Variants in PHEX observed in about 807,000 individuals in gnomAD.
PHEX encodes the protein phosphate regulating endopeptidase X-linked.
A neutral mutation model predicts 68.0 loss-of-function variants in PHEX; 16 were observed. The ratio of observed to expected loss-of-function variants is 0.24; its 90% CI spans 0.16 to 0.36. PHEX has a LOEUF of 0.36. Among genes scored for constraint, PHEX ranks in the 10% least tolerant of loss-of-function variants. The pLI is 1.00. For missense variants in PHEX, 480 were observed against 575.5 expected (o/e 0.83, Z 1.70); for synonymous variants, 208 against 205.1 (o/e 1.01, Z -0.12).
chrX:22,142,891 A>G (rs1171169564), intron 12 of PHEX, among the ~76,000 whole-genome samples: 1 of 112,579 alleles, frequency 8.9e-6, no homozygotes, highest in African/African-American at 3.2e-5. Flanking sequence ...ACCTGAGGAA[A>G]TGAACAAAGC....
chrX:22,061,978 T>C (rs903751011), intron 3 of PHEX, among the ~76,000 whole-genome samples: 2 of 111,354 alleles, frequency 1.8e-5, no homozygotes, highest in Admixed American at 1.9e-4. Flanking sequence ...AGGAGGCATG[T>C]CTTACATGGC....
chrX:22,072,666 T>A (rs1194207205), intron 3 of PHEX, among the ~76,000 whole-genome samples: 2 of 112,291 alleles, frequency 1.8e-5, no homozygotes, highest in Non-Finnish European at 3.8e-5. Context: ...AAAAGGTAGA[T>A]TGCTCTATAA....
chrX:22,226,407 ATTCATT>A, intron 18 of PHEX, 30 bp from the exon 19 acceptor site: 1 of 995,385 alleles, frequency 1.0e-6, no homozygotes, highest in Non-Finnish European at 1.4e-6. Flanking sequence ...TGAAACACGC[ATTCATT>A]TTTTTTTTTT....
chrX:22,147,126 T>C (rs1205253339), intron 12 of PHEX, among the ~76,000 whole-genome samples: 1 of 111,756 alleles, frequency 8.9e-6, no homozygotes, highest in Non-Finnish European at 1.9e-5. Context: ...GTGGTGGTGA[T>C]TTAATGCCTG....
At chrX:22,126,386 G>C (rs780877252) in intron 11 of PHEX, among the ~76,000 whole-genome samples, 18 of 112,021 alleles carry the variant, frequency 1.6e-4, no homozygotes, top group African/African-American at 5.8e-4. Context: ...TAGGATTTGA[G>C]TTGCCTTGTG....
chrX:22,117,036 T>C (rs746520844), intron 11 of PHEX, among the ~76,000 whole-genome samples: 1 of 112,094 alleles, frequency 8.9e-6, no homozygotes, highest in East Asian at 2.8e-4. Context: ...CCTAGACCCA[T>C]TTAGATTAAG....
chrX:22,085,084 G>A (rs1321475170), intron 5 of PHEX, among the ~76,000 whole-genome samples: 1 of 111,047 alleles, frequency 9.0e-6, no homozygotes, highest in African/African-American at 3.3e-5. Context: ...GATTGTTTAT[G>A]AATTGTTATT....
At chrX:22,053,053 G>T (rs1185660579) in intron 3 of PHEX, among the ~76,000 whole-genome samples, 1 of 112,107 alleles carries the variant, frequency 8.9e-6, no homozygotes, top group East Asian at 2.8e-4. Flanking sequence ...ACCCAGTCCA[G>T]TTCCTGGCAC....
chrX:22,036,473 C>T (rs1429126250), intron 1 of PHEX, among the ~76,000 whole-genome samples: 6 of 111,708 alleles, frequency 5.4e-5, no homozygotes, highest in East Asian at 2.8e-4. Context: ...AGGAATAAGT[C>T]TTTAACGATT....
At chrX:22,091,123 A>G (rs1476492327) in intron 6 of PHEX, among the ~76,000 whole-genome samples, 1 of 111,873 alleles carries the variant, frequency 8.9e-6, no homozygotes, top group Non-Finnish European at 1.9e-5. Context: ...TGGAAACTTT[A>G]TTGAACTTCC....
At chrX:22,123,673 C>T (rs1403143179) in intron 11 of PHEX, among the ~76,000 whole-genome samples, 1 of 110,621 alleles carries the variant, frequency 9.0e-6, no homozygotes, top group Non-Finnish European at 1.9e-5. Context: ...CCATACATGC[C>T]TAGTATAGTA....
At chrX:22,230,302 GA>G (rs1293145058) in intron 20 of PHEX, among the ~76,000 whole-genome samples, 1 of 78,406 alleles carries the variant, frequency 1.3e-5, no homozygotes, top group Non-Finnish European at 2.3e-5. Flanking sequence ...TCCATTCTGT[GA>G]AGAAAGAAAG....
At chrX:22,185,498 A>T (rs1403634736) in intron 14 of PHEX, among the ~76,000 whole-genome samples, 1 of 111,670 alleles carries the variant, frequency 9.0e-6, no homozygotes, top group African/African-American at 3.3e-5. Flanking sequence ...GAAAACTAGT[A>T]ATTACACACA....
At chrX:22,056,886 C>T (rs1928138611) in intron 3 of PHEX, among the ~76,000 whole-genome samples, 1 of 109,927 alleles carries the variant, frequency 9.1e-6, no homozygotes, top group South Asian at 3.9e-4. Flanking sequence ...TACTCTAGAA[C>T]TGTCCTGCTC....
At chrX:22,172,798 T>A (rs16981815) in intron 13 of PHEX, 36,749 of 110,582 alleles carry the variant, frequency 0.33, 4,519 homozygotes, top group African/African-American at 0.38. Context: ...TAACTGGCAC[T>A]ATTAAGGACG....
intron 20 of PHEX, among the ~76,000 whole-genome samples, chrX:22,228,389 C>A (rs746684043): frequency 5.4e-5 from 6 of 112,005 alleles, no homozygotes; most frequent in African/African-American, 1.9e-4. Context: ...ACCTTTTGTT[C>A]CTAAGTCTGT....
chrX:22,241,615 C>G (rs898009837), intron 20 of PHEX, among the ~76,000 whole-genome samples: 23 of 111,986 alleles, frequency 2.1e-4, no homozygotes, highest in Non-Finnish European at 4.3e-4. Flanking sequence ...CACAGAAATA[C>G]AGTCTACCAT....
chrX:22,114,352 A>G, intron 10 of PHEX, 106 bp from the exon 11 acceptor site: 1 of 713,007 alleles, frequency 1.4e-6, no homozygotes, highest in African/African-American at 2.1e-5. Flanking sequence ...TATATGGGTT[A>G]GGGTGTGCAG....
intron 6 of PHEX, among the ~76,000 whole-genome samples, chrX:22,093,533 A>G (rs1259973712): frequency 8.9e-6 from 1 of 111,832 alleles, no homozygotes; most frequent in Non-Finnish European, 1.9e-5. Context: ...AGGTGGGTAA[A>G]TTGAGTTGCA....
Sources: allele counts gnomAD v4.1 joint callset (sites outside exome capture counted in the v4.1 genomes callset), GRCh38; gene constraint gnomAD v4.1.1; transcripts MANE v1.5; gene names NCBI Gene and HGNC (gene_info 2026-07-23, HGNC 2026-07-21).